Variants in ATRNL1 observed in about 807,000 individuals in gnomAD.
ATRNL1 encodes attractin-like protein 1.
In ATRNL1, 95 loss-of-function variants were observed where a neutral mutation model predicts 182.7. That is an observed-to-expected ratio of 0.52 (90% CI 0.44 to 0.62). The LOEUF (loss-of-function observed/expected upper bound fraction) is 0.62, where lower values mean the gene tolerates loss of function less well. Ranked by LOEUF, ATRNL1 falls within the 20% of genes least tolerant of loss-of-function variation. The pLI is 0.00. For missense variants in ATRNL1, 1,471 were observed against 1,679.5 expected, an observed-to-expected ratio of 0.88 and a Z score of 2.17; for synonymous variants, 576 against 568.3, an observed-to-expected ratio of 1.01 and a Z score of -0.19.
At position 115,910,998 on chromosome 10, in the gene ATRNL1, A is replaced by ATTAT. The variant is rs543879907; in HGVS notation, c.4019-33641_4019-33638dup. 7.7e-3 allele frequency among the ~76,000 whole-genome samples: 1,169 copies of ATTAT among 151,986 alleles called. 14 individuals are homozygous for ATTAT. The highest frequency in any genetic ancestry group is 0.026 in the African/African-American group (1,090 of 41,440). On this transcript the variant is annotated intron_variant, in intron 28 of 28. Transcript: ENST00000355044. ...CAGTGTAAAACTCGTTGTATTTTTC[A>ATTAT]TTATTTATTTATTTATTTATTTTGG...
intron 26 of ATRNL1, among the ~76,000 whole-genome samples, chr10:115,642,920 G>A (rs1859345341): frequency 6.6e-6 from 1 of 152,126 alleles, no homozygotes; most frequent in Non-Finnish European, 1.5e-5. Flanking sequence ...TGCACCCTCA[G>A]GAAACATTTG....
intron 26 of ATRNL1, among the ~76,000 whole-genome samples, chr10:115,722,796 G>T (rs1947471142): frequency 6.6e-6 from 1 of 152,134 alleles, no homozygotes; most frequent in Middle Eastern, 3.4e-3. Flanking sequence ...TAAGCTAGAT[G>T]ATGAGGAACA....
intron 19 of ATRNL1, among the ~76,000 whole-genome samples, chr10:115,338,333 T>C (rs555599314): frequency 2.0e-4 from 30 of 152,326 alleles, no homozygotes; most frequent in African/African-American, 7.2e-4. Flanking sequence ...ATAGTACTTG[T>C]ACTAATTTAC....
chr10:115,770,799 T>A (rs577630898), intron 27 of ATRNL1, among the ~76,000 whole-genome samples: 56 of 152,298 alleles, frequency 3.7e-4, no homozygotes, highest in South Asian at 4.1e-4. Context: ...AAAGACTTTG[T>A]AATTTGCATT....
At chr10:115,300,605 C>G (rs1393035486) in intron 16 of ATRNL1, among the ~76,000 whole-genome samples, 3 of 152,108 alleles carry the variant, frequency 2.0e-5, no homozygotes, top group African/African-American at 7.2e-5. Flanking sequence ...CTCTTGTAGA[C>G]ATATTTCAGT....
intron 16 of ATRNL1, among the ~76,000 whole-genome samples, chr10:115,300,868 T>C (rs76111797): frequency 0.014 from 2,119 of 152,252 alleles, 44 homozygotes; most frequent in African/African-American, 0.048. Flanking sequence ...TAAAAATCTG[T>C]ACCCATTAAA....
intron 27 of ATRNL1, among the ~76,000 whole-genome samples, chr10:115,760,871 G>T (rs949597722): frequency 6.6e-6 from 1 of 152,182 alleles, no homozygotes. Context: ...ACAGAAGGCT[G>T]GTCAATAGCT....
intron 26 of ATRNL1, among the ~76,000 whole-genome samples, chr10:115,606,439 A>G (rs1555017631): frequency 6.6e-6 from 1 of 152,054 alleles, no homozygotes; most frequent in African/African-American, 2.4e-5. Flanking sequence ...GGTATAACAC[A>G]AGAATATTAT....
At chr10:115,657,210 A>C (rs1555036218) in intron 26 of ATRNL1, among the ~76,000 whole-genome samples, 1 of 152,176 alleles carries the variant, frequency 6.6e-6, no homozygotes, top group Non-Finnish European at 1.5e-5. Context: ...AAATCAATAT[A>C]TATTTAATAG....
intron 20 of ATRNL1, among the ~76,000 whole-genome samples, chr10:115,416,952 T>C (rs665122): frequency 0.38 from 57,938 of 152,048 alleles, 12,225 homozygotes; most frequent in African/African-American, 0.57. Context: ...CTAATATTTC[T>C]TCACAACAAC....
intron 15 of ATRNL1, among the ~76,000 whole-genome samples, chr10:115,288,962 A>G (rs1372155262): frequency 1.3e-5 from 2 of 152,116 alleles, no homozygotes; most frequent in Non-Finnish European, 2.9e-5. Context: ...GTTTACCAAT[A>G]TTTTCTCCTA....
At chr10:115,114,646 A>C (rs141368475) in intron 1 of ATRNL1, among the ~76,000 whole-genome samples, 1 of 152,206 alleles carries the variant, frequency 6.6e-6, no homozygotes, top group African/African-American at 2.4e-5. Flanking sequence ...AACATGCTCA[A>C]CATTACTAAT....
chr10:115,775,104 T>C (rs1422760484), intron 27 of ATRNL1, among the ~76,000 whole-genome samples: 1 of 152,168 alleles, frequency 6.6e-6, no homozygotes, highest in Non-Finnish European at 1.5e-5. Flanking sequence ...AAACTTATTT[T>C]AAAAGTAATA....
chr10:115,189,817 G>A (rs1465332446), intron 8 of ATRNL1, among the ~76,000 whole-genome samples: 1 of 152,058 alleles, frequency 6.6e-6, no homozygotes, highest in Non-Finnish European at 1.5e-5. Flanking sequence ...ATACAGTAAT[G>A]TCCTAGGCCT....
In ATRNL1 at chr10:115,100,027, C is replaced by G. The variant is rs377424598; in HGVS notation, c.293+5984C>G. ...TTTGCCTAGGCTGGGTACTGTGGCT[C>G]ATGTGTGTAATCCCAGCGCTTTGGG... On this transcript the variant is annotated intron_variant, in intron 1 of 28. Transcript: ENST00000355044. Among the ~76,000 whole-genome samples, 121 of 152,198 alleles carry G rather than the reference C, an allele frequency of 8.0e-4. 2 individuals carry two copies. In the South Asian group the frequency reaches 0.024, roughly 31 times the overall value.
At chr10:115,539,774 A>G (rs1554991410) in intron 25 of ATRNL1, among the ~76,000 whole-genome samples, 1 of 152,110 alleles carries the variant, frequency 6.6e-6, no homozygotes, top group South Asian at 2.1e-4. Context: ...AGGGAAGGGA[A>G]TATTCCTCTA....
intron 27 of ATRNL1, among the ~76,000 whole-genome samples, chr10:115,743,202 G>A (rs2907547): frequency 6.8e-6 from 1 of 146,938 alleles, no homozygotes. Context: ...TGGGTGGGGA[G>A]ACAGACAAAC....
At chr10:115,700,487 T>C (rs1555051188) in intron 26 of ATRNL1, among the ~76,000 whole-genome samples, 1 of 152,138 alleles carries the variant, frequency 6.6e-6, no homozygotes, top group African/African-American at 2.4e-5. Flanking sequence ...TAGCCACTTA[T>C]ATGTCTTCTT....
chr10:115,285,656 A>G (rs1356397080), intron 14 of ATRNL1, among the ~76,000 whole-genome samples: 1 of 152,098 alleles, frequency 6.6e-6, no homozygotes, highest in East Asian at 1.9e-4. Context: ...AAAAATAAAC[A>G]TTAGCAAGGA....
Sources: gnomAD v4.1 joint callset for allele counts (sites outside exome capture counted in the v4.1 genomes callset) on GRCh38, gnomAD v4.1.1 for gene constraint, MANE v1.5 for transcripts, NCBI Gene and HGNC (gene_info 2026-07-23, HGNC 2026-07-21) for gene names.